Variants in TAFA4 observed in about 807,000 individuals in gnomAD.
TAFA4 encodes the protein chemokine-like protein TAFA-4.
A neutral mutation model predicts 21.1 loss-of-function variants in TAFA4; 20 were observed. That is an observed-to-expected ratio of 0.95 (90% CI 0.67 to 1.38). The LOEUF (loss-of-function observed/expected upper bound fraction) is 1.38, where lower values mean the gene tolerates loss of function less well. Among genes scored for constraint, TAFA4 ranks in the 40% most tolerant of loss-of-function variants. TAFA4 has a pLI of 0.00. For missense variants in TAFA4, 211 were observed against 180.9 expected (o/e 1.17, Z -0.95); for synonymous variants, 71 against 67.4 (o/e 1.05, Z -0.26).
At chr3:68,753,821 C>G (rs1702608918) in intron 3 of TAFA4, among the ~76,000 whole-genome samples, 1 of 152,188 alleles carries the variant, frequency 6.6e-6, no homozygotes, top group South Asian at 2.1e-4. Context: ...CTGCCAATAA[C>G]CAGAGTGAGC....
intron 3 of TAFA4, among the ~76,000 whole-genome samples, chr3:68,873,552 A>G (rs1272502569): frequency 6.6e-6 from 1 of 152,120 alleles, no homozygotes; most frequent in Non-Finnish European, 1.5e-5. Flanking sequence ...AAACATATAG[A>G]CTATGCATAG....
chr3:68,739,269 A>C, intron 4 of TAFA4, 70 bp from the exon 5 acceptor site: 2 of 1,565,000 alleles, frequency 1.3e-6, no homozygotes, highest in Non-Finnish European at 1.7e-6. Flanking sequence ...AATAAAACTC[A>C]ATACAGAGTA....
chr3:68,736,627 C>T (rs929728403), intron 5 of TAFA4, among the ~76,000 whole-genome samples: 10 of 152,082 alleles, frequency 6.6e-5, no homozygotes, highest in African/African-American at 1.9e-4. Flanking sequence ...TTAGTTAATA[C>T]GTCCTCTAGG....
At chr3:68,765,054 T>C (rs1300403268) in intron 3 of TAFA4, among the ~76,000 whole-genome samples, 1 of 151,206 alleles carries the variant, frequency 6.6e-6, no homozygotes, top group Admixed American at 6.6e-5. Flanking sequence ...TTCAAAGAAC[T>C]GTTAAAAAAA....
intron 3 of TAFA4, among the ~76,000 whole-genome samples, chr3:68,778,281 GAGGA>G (rs1487204286): frequency 6.6e-6 from 1 of 152,150 alleles, no homozygotes; most frequent in Admixed American, 6.5e-5. Context: ...CTTCAGAAAA[GAGGA>G]TTATTACTAG....
intron 4 of TAFA4, among the ~76,000 whole-genome samples, chr3:68,745,215 C>T (rs985216687): frequency 1.3e-5 from 2 of 152,172 alleles, no homozygotes; most frequent in Non-Finnish European, 2.9e-5. Context: ...ATTTAAGCTT[C>T]GAGTGCACCT....
intron 3 of TAFA4, among the ~76,000 whole-genome samples, chr3:68,760,332 A>G (rs1299471702): frequency 6.6e-6 from 1 of 152,228 alleles, no homozygotes; most frequent in Non-Finnish European, 1.5e-5. Flanking sequence ...GTCCCAGTGC[A>G]GACAGGGCTT....
intron 4 of TAFA4, among the ~76,000 whole-genome samples, chr3:68,748,179 G>C (rs1392135399): frequency 1.3e-5 from 2 of 152,210 alleles, no homozygotes; most frequent in African/African-American, 2.4e-5. Context: ...ATCTAGGGCA[G>C]GTCAGGCACA....
intron 3 of TAFA4, among the ~76,000 whole-genome samples, chr3:68,798,394 C>G (rs1303933241): frequency 6.6e-6 from 1 of 152,076 alleles, no homozygotes; most frequent in African/African-American, 2.4e-5. Context: ...TCAATTTTTT[C>G]AAAAGTATGA....
Position 68,873,054 on chromosome 3 carries a change from G to A in TAFA4, c.130+7676C>T, listed in dbSNP as rs76385024. 2.2e-3 allele frequency among the ~76,000 whole-genome samples: 331 copies of A among 152,094 alleles called. 3 individuals carry two copies. In the East Asian group the frequency reaches 0.044, roughly 20 times the overall value. On this transcript the variant is annotated intron_variant, in intron 3 of 5. Coordinates refer to ENST00000295569, the MANE Select transcript of TAFA4 (RefSeq NM_182522.5). ...ATATCAGCCGTATCATCTCAAGGCT[G>A]ATCTTTCATCACACATTCCATTACA...
rs564299035 is a variant in TAFA4, at chr3:68,909,385, G to A, written c.-123+22855C>T. ...TATCAATTCTATGAGGGCAGGACCT[G>A]TCGTCACCATACTCACCACCTAGCA... On this transcript the variant is annotated intron_variant, in intron 1 of 5. Transcript: ENST00000295569. Among the ~76,000 whole-genome samples the A allele has an allele frequency of 3.3e-5, 5 of 152,296 alleles. No homozygotes were observed. The South Asian group carries it at 1.0e-3, about 32-fold the overall frequency.
At chr3:68,833,327 C>T (rs566133970) in intron 3 of TAFA4, among the ~76,000 whole-genome samples, 10 of 152,248 alleles carry the variant, frequency 6.6e-5, no homozygotes, top group East Asian at 5.8e-4. Context: ...ATCTCGGAAG[C>T]GACTATAATA....
At chr3:68,847,719 G>A (rs993458213) in intron 3 of TAFA4, among the ~76,000 whole-genome samples, 4 of 152,142 alleles carry the variant, frequency 2.6e-5, no homozygotes, top group African/African-American at 9.7e-5. Context: ...CTGTCCAAGA[G>A]GAACTTTTTT....
intron 1 of TAFA4, among the ~76,000 whole-genome samples, chr3:68,895,172 A>G (rs1348529363): frequency 2.0e-5 from 3 of 152,004 alleles, no homozygotes; most frequent in African/African-American, 7.2e-5. Flanking sequence ...TAATTTTTGT[A>G]TTTTTAGCAG....
At chr3:68,827,047 C>A (rs1033917326) in intron 3 of TAFA4, among the ~76,000 whole-genome samples, 1 of 148,052 alleles carries the variant, frequency 6.8e-6, no homozygotes, top group African/African-American at 2.5e-5. Context: ...CCCCCCACCC[C>A]CCAACAGGCC....
At chr3:68,771,573 A>G (rs575127933) in intron 3 of TAFA4, among the ~76,000 whole-genome samples, 1 of 152,384 alleles carries the variant, frequency 6.6e-6, no homozygotes, top group East Asian at 1.9e-4. Flanking sequence ...TTTCCAGATT[A>G]AAACCCAACA....
intron 1 of TAFA4, among the ~76,000 whole-genome samples, chr3:68,900,476 T>C (rs1023011450): frequency 1.7e-4 from 26 of 152,016 alleles, no homozygotes; most frequent in African/African-American, 5.8e-4. Context: ...TCTTCTGTCC[T>C]CCACTAAGTT....
At chr3:68,853,092 G>C (rs1006222046) in intron 3 of TAFA4, among the ~76,000 whole-genome samples, 4 of 152,114 alleles carry the variant, frequency 2.6e-5, no homozygotes, top group South Asian at 4.1e-4. Flanking sequence ...TGCAAGAACA[G>C]AGTAATAAAG....
chr3:68,905,717 A>C (rs957527671), intron 1 of TAFA4, among the ~76,000 whole-genome samples: 1 of 152,188 alleles, frequency 6.6e-6, no homozygotes, highest in Non-Finnish European at 1.5e-5. Flanking sequence ...TGTAAAGATC[A>C]CTAGTCAGTG....
Sources: gnomAD v4.1 joint callset for allele counts (sites outside exome capture counted in the v4.1 genomes callset) on GRCh38, gnomAD v4.1.1 for gene constraint, MANE v1.5 for transcripts, NCBI Gene and HGNC (gene_info 2026-07-23, HGNC 2026-07-21) for gene names.